MAP3K13: variants seen among roughly 807,000 people sequenced by gnomAD.
The protein encoded by MAP3K13 is mitogen-activated protein kinase kinase kinase 13, also known as leucine zipper-bearing kinase.
Under a neutral mutation model 104.0 loss-of-function variants are expected in MAP3K13, and 52 were observed. The observed-to-expected ratio is 0.50, with a 90% CI of 0.40 to 0.63. The LOEUF (loss-of-function observed/expected upper bound fraction) is 0.63. Ranked by LOEUF, MAP3K13 falls within the 20% of genes least tolerant of loss-of-function variation. The pLI, the probability that MAP3K13 is intolerant of heterozygous loss-of-function variation, is 0.00. For synonymous variants in MAP3K13, 394 were observed against 442.2 expected, an observed-to-expected ratio of 0.89 and a Z score of 1.37; for missense variants, 914 against 1,218.5, an observed-to-expected ratio of 0.75 and a Z score of 3.72.
chr3:185,469,744 T>G (rs1717667596), intron 10 of MAP3K13, among the ~76,000 whole-genome samples: 1 of 152,244 alleles, frequency 6.6e-6, no homozygotes, highest in African/African-American at 2.4e-5. Flanking sequence ...TTGCAGGCTC[T>G]TAGGCCCCAC....
chr3:185,429,444 T>A (rs1714622436), intron 2 of MAP3K13, among the ~76,000 whole-genome samples: 1 of 152,202 alleles, frequency 6.6e-6, no homozygotes, highest in Non-Finnish European at 1.5e-5. Context: ...AAAGAAATCA[T>A]GCAGTGGCCA....
At chr3:185,467,014 C>A (rs1215788033) in intron 10 of MAP3K13, 51 bp downstream of exon 10, 1 of 1,607,034 alleles carries the variant, frequency 6.2e-7, no homozygotes, top group Non-Finnish European at 8.5e-7. Flanking sequence ...AAAGACCCAC[C>A]CACAAATCCA....
intron 7 of MAP3K13, among the ~76,000 whole-genome samples, chr3:185,460,527 C>T (rs1007557427): frequency 3.3e-5 from 5 of 152,182 alleles, no homozygotes; most frequent in African/African-American, 4.8e-5. Flanking sequence ...AGAGCTTCCT[C>T]GATAGCTGTG....
chr3:185,285,556 T>A, exon 2 of MAP3K13: 1 of 1,469,488 alleles, frequency 6.8e-7, no homozygotes, highest in Non-Finnish European at 9.2e-7. Context: ...TAAAATGGAC[T>A]TCATTTAAAG....
intron 12 of MAP3K13, among the ~76,000 whole-genome samples, chr3:185,479,666 TTG>T: frequency 6.6e-6 from 1 of 152,240 alleles, no homozygotes; most frequent in Non-Finnish European, 1.5e-5. Context: ...AATTTCCTTC[TTG>T]TGTTAGTCAC....
chr3:185,313,345 C>T lies in MAP3K13; in HGVS notation c.-86+27702C>T, dbSNP rs531199090. 7.8e-4 allele frequency among the ~76,000 whole-genome samples: 116 copies of T among 148,238 alleles called. 1 individual carries two copies. Among genetic ancestry groups the T allele is most frequent in the Non-Finnish European group, 1.3e-3 (89 of 67,510 alleles). On this transcript the variant is annotated intron_variant, in intron 2 of 14. Transcript: ENST00000424227. ...AGTGCAGTGGCGTGATCTCGGCTCA[C>T]TGCAACCTTTGCCTCCTGGGTTCAA...
At chr3:185,451,068 T>C (rs900237626) in intron 6 of MAP3K13, among the ~76,000 whole-genome samples, 6 of 152,102 alleles carry the variant, frequency 3.9e-5, no homozygotes, top group African/African-American at 9.7e-5. Flanking sequence ...CCAGCCTGAG[T>C]GACAGAGCGA....
chr3:185,455,473 T>C (rs62650465), intron 7 of MAP3K13, among the ~76,000 whole-genome samples: 2,310 of 22,538 alleles, frequency 0.1, 544 homozygotes, highest in Non-Finnish European at 0.17. Context: ...ATGAGATATA[T>C]ACATGATATA....
chr3:185,357,298 A>AG (rs764622758), intron 2 of MAP3K13, among the ~76,000 whole-genome samples: 1 of 151,962 alleles, frequency 6.6e-6, no homozygotes, highest in Non-Finnish European at 1.5e-5. Context: ...TACAAAAAAA[A>AG]TTAGCTGCAT....
chr3:185,341,076 A>T (rs1722704208), intron 2 of MAP3K13, among the ~76,000 whole-genome samples: 1 of 152,198 alleles, frequency 6.6e-6, no homozygotes, highest in African/African-American at 2.4e-5. Flanking sequence ...TTTTGGGGGC[A>T]TACTATTCAA....
intron 2 of MAP3K13, among the ~76,000 whole-genome samples, chr3:185,319,906 C>A (rs891934207): frequency 6.6e-6 from 1 of 152,030 alleles, no homozygotes. Context: ...ACAACATGCC[C>A]CGTAGTTGTT....
In MAP3K13 at chr3:185,454,416, T is replaced by C. The variant is rs1321206255; in HGVS notation, c.1278+3021T>C. Among the ~76,000 whole-genome samples, 2 of 109,480 alleles carry C rather than the reference T, an allele frequency of 1.8e-5. 1 individual carries two copies. Among genetic ancestry groups the C allele is most frequent in the African/African-American group, 7.2e-5 (2 of 27,710 alleles). 71.8% of individuals were successfully genotyped at this position (109,480 alleles called of 152,430 possible). A position where few individuals can be genotyped will look rare whatever the true frequency, so the allele number is the denominator to read the frequency against. On this transcript the variant is annotated intron_variant, in intron 7 of 13. Coordinates refer to ENST00000265026, the MANE Select transcript of MAP3K13 (RefSeq NM_004721.5). ...ATATATGAGATATATATATGAGATA[T>C]ATGAGATATATATGATATATATGAG...
At chr3:185,340,717 G>A (rs143439332) in intron 2 of MAP3K13, among the ~76,000 whole-genome samples, 182 of 152,176 alleles carry the variant, frequency 1.2e-3, no homozygotes, top group Non-Finnish European at 2.1e-3. Flanking sequence ...TTTGCTCTAT[G>A]CCGTTCTTGT....
Position 185,473,787 on chromosome 3 carries a change from T to C in MAP3K13, c.2430+26T>C. 6.3e-7 allele frequency: 1 copy of C among 1,586,394 alleles called. No individual in the cohort carries two copies. The highest frequency in any genetic ancestry group is 1.1e-5 in the South Asian group (1 of 86,980). ...GTAAAGTGTAATGATGAGAGTGGCC[T>C]GCGTCACTGCCTTCAAAGAATGCCA... On this transcript the variant is annotated intron_variant, in intron 11 of 13. Transcript: ENST00000265026. This position sits in a 1 kb window ranked among gnomAD's most constrained non-coding sequence, Gnocchi z 4.9.
rs1244736742 is a variant in MAP3K13 at position 185,482,926 on chromosome 3, C to T, written c.*470C>T. The T allele has an allele frequency of 4.3e-6, 1 of 233,138 alleles. No homozygotes were observed. Among genetic ancestry groups the T allele is most frequent in the Non-Finnish European group, 8.4e-6 (1 of 118,354 alleles). 14.4% of individuals were successfully genotyped at this position (233,138 alleles called of 1,614,324 possible). On this transcript the variant is annotated 3_prime_UTR_variant, in exon 14 of 14. Coordinates refer to ENST00000265026, the MANE Select transcript of MAP3K13 (RefSeq NM_004721.5). This position sits in a 1 kb window ranked among gnomAD's most constrained non-coding sequence, Gnocchi z 4.5. ...GTATTATTGCTGCTTGAACAGGGGA[C>T]CAGGTCTTTTGGCCATAAGTGACTA... is the stretch of plus-strand genomic sequence containing the variant.
chr3:185,309,512 C>CAAAAAAAA (rs66889332), intron 2 of MAP3K13, among the ~76,000 whole-genome samples: 3 of 105,778 alleles, frequency 2.8e-5, no homozygotes, highest in Non-Finnish European at 4.0e-5. Context: ...CCTTGTCTCA[C>CAAAAAAAA]AAAAAAAAAA....
chr3:185,405,043 C>T (rs1205557166), intron 1 of MAP3K13, among the ~76,000 whole-genome samples: 5 of 152,150 alleles, frequency 3.3e-5, no homozygotes, highest in African/African-American at 1.2e-4. Flanking sequence ...TTCTCACTAG[C>T]AATGCATTTC....
chr3:185,325,715 G>C (rs1321480861), intron 2 of MAP3K13, among the ~76,000 whole-genome samples: 1 of 152,190 alleles, frequency 6.6e-6, no homozygotes, highest in Non-Finnish European at 1.5e-5. Flanking sequence ...GTGTTCCCTT[G>C]TCAATCACAT....
At chr3:185,402,609 G>A (rs967536079) in intron 1 of MAP3K13, among the ~76,000 whole-genome samples, 5 of 152,132 alleles carry the variant, frequency 3.3e-5, no homozygotes, top group Non-Finnish European at 5.9e-5. Flanking sequence ...CATCTCCACG[G>A]TGTGAACCAT....
Sources: gnomAD v4.1 joint callset for allele counts (sites outside exome capture counted in the v4.1 genomes callset) on GRCh38, gnomAD v4.1.1 for gene constraint, Gnocchi (gnomAD v3.1) non-coding constraint, MANE v1.5 for transcripts, NCBI Gene and HGNC (gene_info 2026-07-23, HGNC 2026-07-21) for gene names.